Variants in PPFIA2 observed in about 807,000 individuals in gnomAD.
PPFIA2 encodes the protein PPFI scaffold protein A2, also known as liprin-alpha-2.
A neutral mutation model predicts 175.5 loss-of-function variants in PPFIA2; 46 were observed. The observed-to-expected ratio is 0.26, with a 90% CI of 0.21 to 0.34. The LOEUF is 0.34. Among genes scored for constraint, PPFIA2 ranks in the 10% least tolerant of loss-of-function variants. The pLI is 1.00. For synonymous variants in PPFIA2, 568 were observed against 511.4 expected, an observed-to-expected ratio of 1.11 and a Z score of -1.49; for missense variants, 1,179 against 1,506.1, an observed-to-expected ratio of 0.78 and a Z score of 3.60.
intron 4 of PPFIA2, among the ~76,000 whole-genome samples, chr12:81,462,748 A>G (rs893223253): frequency 6.6e-6 from 1 of 151,628 alleles, no homozygotes; most frequent in Non-Finnish European, 1.5e-5. Context: ...GCTCACTATT[A>G]TGAAAGCATA....
chr12:81,654,314 T>C (rs2067461240), intron 4 of PPFIA2, among the ~76,000 whole-genome samples: 2 of 151,968 alleles, frequency 1.3e-5, no homozygotes, highest in African/African-American at 2.4e-5. Flanking sequence ...GTCCCAATAT[T>C]AACAAATGTA....
At chr12:81,453,914 T>C (rs1321832003) in intron 5 of PPFIA2, among the ~76,000 whole-genome samples, 17 of 152,112 alleles carry the variant, frequency 1.1e-4, no homozygotes, top group Non-Finnish European at 5.9e-5. Context: ...TAAAGTAGGA[T>C]TGAATTACAA....
chr12:81,507,640 T>C (rs1408137321), intron 4 of PPFIA2, among the ~76,000 whole-genome samples: 1 of 152,220 alleles, frequency 6.6e-6, no homozygotes, highest in African/African-American at 2.4e-5. Context: ...CTAGCAACCA[T>C]GCTGGTCTGA....
At chr12:81,313,845 G>A (rs1188629598) in intron 22 of PPFIA2, among the ~76,000 whole-genome samples, 1 of 151,806 alleles carries the variant, frequency 6.6e-6, no homozygotes, top group Non-Finnish European at 1.5e-5. Context: ...TGCACGTAGT[G>A]AAACCTAATA....
At chr12:81,679,735 G>A (rs1225331375) in intron 3 of PPFIA2, among the ~76,000 whole-genome samples, 1 of 151,928 alleles carries the variant, frequency 6.6e-6, no homozygotes, top group African/African-American at 2.4e-5. Context: ...TTGAGTTCAT[G>A]TTCTATTTTG....
At chr12:81,370,455 T>A (rs1041435144) in intron 11 of PPFIA2, among the ~76,000 whole-genome samples, 10 of 151,832 alleles carry the variant, frequency 6.6e-5, no homozygotes, top group African/African-American at 2.4e-4. Flanking sequence ...TAGGTTTAAT[T>A]AGAAATTTTA....
chr12:81,730,580 T>C (rs536660589), intron 3 of PPFIA2, among the ~76,000 whole-genome samples: 2 of 151,682 alleles, frequency 1.3e-5, no homozygotes, highest in Non-Finnish European at 3.0e-5. Flanking sequence ...GTCCCACCCT[T>C]GACATGTGGG....
At chr12:81,445,964 C>T (rs2051168987) in intron 5 of PPFIA2, among the ~76,000 whole-genome samples, 1 of 152,142 alleles carries the variant, frequency 6.6e-6, no homozygotes, top group South Asian at 2.1e-4. Context: ...AAATGTAATG[C>T]AGTCCTTTAG....
At chr12:81,541,180 C>G (rs976787130) in intron 4 of PPFIA2, among the ~76,000 whole-genome samples, 30 of 152,074 alleles carry the variant, frequency 2.0e-4, no homozygotes, top group Middle Eastern at 3.4e-3. Flanking sequence ...AAGAATAAAA[C>G]TATTTAGGCT....
intron 4 of PPFIA2, among the ~76,000 whole-genome samples, chr12:81,605,618 C>T (rs143760687): frequency 1.6e-3 from 247 of 151,180 alleles, no homozygotes; most frequent in African/African-American, 5.9e-3. Context: ...TGTAATATCA[C>T]TAGCCTGTCT....
chr12:81,375,900 G>T lies in PPFIA2; in HGVS notation c.1027C>A (p.Leu343Ile). 1 of 1,613,288 alleles carries T rather than the reference G, an allele frequency of 6.2e-7. No homozygotes were observed. The highest frequency in any genetic ancestry group is 8.5e-7 in the Non-Finnish European group (1 of 1,179,420). Residue 343 changes from leucine to isoleucine, a missense_variant, in exon 10 of 33, where the codon CTT becomes ATT. Around this residue, in one of 10 missense-constraint regions of PPFIA2, gnomAD observed 226 missense variants for 216.6 expected, o/e 1.04. Coordinates refer to ENST00000549396, the MANE Select transcript of PPFIA2 (RefSeq NM_003625.5). The part of the protein sequence containing the change: ...KEDMEERITT[L>I]EKRYLSAQRE... ...TGAGCACTGAGGTAACGCTTTTCAA[G>T]GGTTGTAATTCTTTCTTCCATATCT...
chr12:81,602,502 T>C (rs2059900580), intron 4 of PPFIA2, among the ~76,000 whole-genome samples: 1 of 151,866 alleles, frequency 6.6e-6, no homozygotes, highest in African/African-American at 2.4e-5. Flanking sequence ...TGATTTCTTC[T>C]GCATATATAC....
intron 5 of PPFIA2, among the ~76,000 whole-genome samples, chr12:81,452,300 C>A (rs2052733631): frequency 6.6e-6 from 1 of 152,124 alleles, no homozygotes; most frequent in African/African-American, 2.4e-5. Flanking sequence ...ATAGTTATTT[C>A]CAATTATAAA....
chr12:81,440,752 A>T (rs1167735414), intron 6 of PPFIA2, among the ~76,000 whole-genome samples: 1 of 151,156 alleles, frequency 6.6e-6, no homozygotes, highest in African/African-American at 2.4e-5. Context: ...TATTTCTTTG[A>T]TTCTTGCTTT....
At chr12:81,620,560 G>T (rs575670442) in intron 4 of PPFIA2, among the ~76,000 whole-genome samples, 142 of 152,274 alleles carry the variant, frequency 9.3e-4, no homozygotes, top group East Asian at 7.7e-4. Context: ...AATGCCTAAC[G>T]AACCGTATGA....
At chr12:81,353,467 A>T in intron 16 of PPFIA2, 128 bp from the exon 17 acceptor site, 1 of 639,896 alleles carries the variant, frequency 1.6e-6, no homozygotes, top group South Asian at 1.9e-5. Flanking sequence ...ACCAATTATT[A>T]ACATTTTAAT....
intron 3 of PPFIA2, among the ~76,000 whole-genome samples, chr12:81,730,950 T>C (rs2080815616): frequency 6.6e-6 from 1 of 151,572 alleles, no homozygotes; most frequent in African/African-American, 2.4e-5. Context: ...GTACCCTTTA[T>C]AAAGAATGAA....
chr12:81,433,018 C>T (rs2048365614), intron 7 of PPFIA2, among the ~76,000 whole-genome samples: 1 of 133,826 alleles, frequency 7.5e-6, no homozygotes, highest in African/African-American at 3.2e-5. Context: ...TTCACTTTAA[C>T]AAAAATTAAA....
rs2084415366 is a variant in PPFIA2, at chr12:81,755,008, C to T, written c.-2-785G>A. ...TATACTCATCATTACACTTAATATT[C>T]CCTTTTTCCTGTTAACTGCATGGTC... On this transcript the variant is annotated intron_variant, in intron 2 of 32. Coordinates refer to ENST00000549396, the MANE Select transcript of PPFIA2 (RefSeq NM_003625.5). 2.0e-5 allele frequency among the ~76,000 whole-genome samples: 3 copies of T among 152,082 alleles called. No homozygotes were observed. In the South Asian group the frequency reaches 6.2e-4, roughly 32 times the overall value.
Sources: gnomAD v4.1 joint callset for allele counts (sites outside exome capture counted in the v4.1 genomes callset) on GRCh38, gnomAD v4.1.1 for gene constraint, gnomAD v4.1.1 regional missense constraint, MANE v1.5 for transcripts, NCBI Gene and HGNC (gene_info 2026-07-23, HGNC 2026-07-21) for gene names.